The following PRRG1 variants were observed in gnomAD, a reference collection of about 807,000 sequenced individuals.
The protein encoded by PRRG1 is proline rich and Gla domain 1, also known as transmembrane gamma-carboxyglutamic acid protein 1.
PRRG1 carries 5 observed loss-of-function variants against 11.8 expected under a neutral mutation model. The observed-to-expected ratio is 0.42, with a 90% confidence interval of 0.22 to 0.89. The LOEUF is 0.89. PRRG1 is among the 40% of genes least tolerant of loss of function. The probability of loss-of-function intolerance (pLI) is 0.28; values close to 1 mark genes in which losing one functional copy is unlikely to be tolerated. For synonymous variants in PRRG1, 66 were observed against 60.4 expected (o/e 1.09, Z -0.43); for missense variants, 155 against 166.1 (o/e 0.93, Z 0.37).
chrX:37,403,835 C>T (rs1932108297), intron 1 of PRRG1: 1 of 605,909 alleles, frequency 1.7e-6, no homozygotes, highest in Admixed American at 9.1e-5. Flanking sequence ...AGGCCTTGAG[C>T]CTTTTATCTC....
At chrX:37,394,513 G>A (rs1239478938) in intron 1 of PRRG1, among the ~76,000 whole-genome samples, 1 of 112,249 alleles carries the variant, frequency 8.9e-6, no homozygotes, top group Non-Finnish European at 1.9e-5. Flanking sequence ...GTGGTGGACA[G>A]TGAAGTGATT....
At chrX:37,442,434 G>A (rs1026453752) in intron 3 of PRRG1, among the ~76,000 whole-genome samples, 1 of 104,430 alleles carries the variant, frequency 9.6e-6, no homozygotes, top group Non-Finnish European at 2.0e-5. Flanking sequence ...AACTCTGAGG[G>A]CATGTGGGAT....
intron 1 of PRRG1, among the ~76,000 whole-genome samples, chrX:37,367,516 G>GA (rs111946743): frequency 0.3 from 32,998 of 110,941 alleles, 7,068 homozygotes; most frequent in African/African-American, 0.77. Flanking sequence ...AGGGAACTTG[G>GA]ATCATGATTG....
At chrX:37,441,302 C>T (rs1932972085) in intron 3 of PRRG1, 1 of 759,654 alleles carries the variant, frequency 1.3e-6, no homozygotes, top group African/African-American at 2.3e-5. Context: ...AAACTAAAAA[C>T]TGGACACAGG....
chrX:37,382,968 A>G (rs1931199647), intron 1 of PRRG1, among the ~76,000 whole-genome samples: 2 of 111,425 alleles, frequency 1.8e-5, no homozygotes, highest in Non-Finnish European at 3.8e-5. Context: ...CAGTTCAATT[A>G]GATTGAGTTG....
chrX:37,373,615 A>G (rs1275626682), intron 1 of PRRG1, among the ~76,000 whole-genome samples: 1 of 111,846 alleles, frequency 8.9e-6, no homozygotes, highest in African/African-American at 3.2e-5. Flanking sequence ...GTGTATAGCA[A>G]CACTACTAAC....
chrX:37,418,205 T>C (rs1203276468), intron 2 of PRRG1, among the ~76,000 whole-genome samples: 1 of 112,251 alleles, frequency 8.9e-6, no homozygotes, highest in Non-Finnish European at 1.9e-5. Flanking sequence ...TACCACACTT[T>C]TTCCTTATCC....
chrX:37,449,373 C>T (rs1921031743), intron 3 of PRRG1, among the ~76,000 whole-genome samples: 1 of 112,136 alleles, frequency 8.9e-6, no homozygotes. Context: ...AAAACATGCC[C>T]CACTCTACTG....
chrX:37,447,254 G>T (rs1305009435), intron 3 of PRRG1, among the ~76,000 whole-genome samples: 2 of 111,778 alleles, frequency 1.8e-5, no homozygotes, highest in Non-Finnish European at 3.8e-5. Context: ...GGAAGATAAT[G>T]CTACCCGCAT....
chrX:37,349,970 C>T (rs1556364264), intron 1 of PRRG1, among the ~76,000 whole-genome samples: 1 of 102,868 alleles, frequency 9.7e-6, no homozygotes, highest in African/African-American at 3.6e-5. Context: ...AAGGCTATGA[C>T]TGTTTTGTAG....
At chrX:37,413,022 C>T (rs781925625) in intron 2 of PRRG1, among the ~76,000 whole-genome samples, 5 of 111,312 alleles carry the variant, frequency 4.5e-5, no homozygotes, top group Non-Finnish European at 9.4e-5. Flanking sequence ...AGTTATAAAA[C>T]ATTTTCATCA....
chrX:37,386,396 A>G (rs1556375257), intron 1 of PRRG1, among the ~76,000 whole-genome samples: 1 of 111,787 alleles, frequency 8.9e-6, no homozygotes, highest in Non-Finnish European at 1.9e-5. Flanking sequence ...TTTTTTATGT[A>G]TGTGTACACT....
chrX:37,436,753 G>C (rs1655309528), intron 3 of PRRG1, among the ~76,000 whole-genome samples: 1 of 112,414 alleles, frequency 8.9e-6, no homozygotes, highest in South Asian at 3.7e-4. Flanking sequence ...GGAAAGAAGG[G>C]AGGTGGAAGT....
At chrX:37,397,102 C>T (rs1215948549) in intron 1 of PRRG1, among the ~76,000 whole-genome samples, 1 of 112,426 alleles carries the variant, frequency 8.9e-6, no homozygotes, top group African/African-American at 3.2e-5. Flanking sequence ...CAAAATGTAC[C>T]ACTTGTGATA....
chrX:37,433,121 C>G (rs782067616), intron 3 of PRRG1, among the ~76,000 whole-genome samples: 9 of 111,651 alleles, frequency 8.1e-5, no homozygotes, highest in African/African-American at 2.9e-4. Context: ...GGCCCCTGCC[C>G]CATAGTTGAT....
intron 1 of PRRG1, among the ~76,000 whole-genome samples, chrX:37,375,114 G>A (rs1556371731): frequency 1.8e-5 from 2 of 111,758 alleles, no homozygotes; most frequent in Non-Finnish European, 3.8e-5. Context: ...AATTCTTTCT[G>A]TTGTATCCCC....
chrX:37,363,202 G>A (rs1483628592), intron 1 of PRRG1, among the ~76,000 whole-genome samples: 1 of 111,884 alleles, frequency 8.9e-6, no homozygotes, highest in African/African-American at 3.2e-5. Context: ...GTATACAGTA[G>A]AACTGAAATA....
In PRRG1 at chrX:37,425,902, T is replaced by C. The variant is rs1163417845; in HGVS notation, c.73T>C (p.Phe25Leu). 8.3e-7 allele frequency: 1 copy of C among 1,205,339 alleles called. No individual in the cohort carries two copies. The highest frequency in any genetic ancestry group is 1.1e-6 in the Non-Finnish European group (1 of 892,223). ...LKRYPRANGF[F>L]EEIRQGNIER... ...ACGCTACCCAAGAGCTAATGGGTTT[T>C]TTGAAGAAATAAGACAGGGCAACAT... The change falls in exon 3 of 4, where the codon TTT (phenylalanine) becomes CTT (leucine). Residue 25 changes from phenylalanine to leucine, a missense_variant. Transcript: ENST00000378628.
At chrX:37,401,911 A>G (rs1167826194) in intron 1 of PRRG1, among the ~76,000 whole-genome samples, 56 of 110,734 alleles carry the variant, frequency 5.1e-4, no homozygotes, top group Non-Finnish European at 1.5e-4. Flanking sequence ...TAAAATACCT[A>G]GGAATCCAAC....
Sources: allele counts gnomAD v4.1 joint callset (sites outside exome capture counted in the v4.1 genomes callset), GRCh38; gene constraint gnomAD v4.1.1; transcripts MANE v1.5; gene names NCBI Gene and HGNC (gene_info 2026-07-23, HGNC 2026-07-21).